The following AGBL1 variants were observed in gnomAD, a reference collection of about 807,000 sequenced individuals.
AGBL1 encodes AGBL carboxypeptidase 1, also known as cytosolic carboxypeptidase 4.
Under a neutral mutation model 118.9 loss-of-function variants are expected in AGBL1, and 130 were observed. The observed-to-expected ratio is 1.09, with a 90% CI of 0.95 to 1.26. The LOEUF (loss-of-function observed/expected upper bound fraction) is 1.26. Among genes scored for constraint, AGBL1 ranks in the 50% most tolerant of loss-of-function variants. The probability of loss-of-function intolerance (pLI) is 0.00; values close to 1 mark genes in which losing one functional copy is unlikely to be tolerated. For synonymous variants in AGBL1, 555 were observed against 478.9 expected (o/e 1.16, Z -2.08); for missense variants, 1,584 against 1,298.1 (o/e 1.22, Z -3.38).
chr15:86,635,354 T>C (rs2085065972), intron 21 of AGBL1, among the ~76,000 whole-genome samples: 1 of 134,160 alleles, frequency 7.5e-6, no homozygotes, highest in South Asian at 2.7e-4. Context: ...CTCTTACTCC[T>C]CCTCCTCCTT....
intron 22 of AGBL1, among the ~76,000 whole-genome samples, chr15:86,775,427 A>G (rs2078240758): frequency 6.6e-6 from 1 of 152,190 alleles, no homozygotes; most frequent in Admixed American, 6.6e-5. Context: ...CTCCATGAAG[A>G]AAAAGGAAAC....
At chr15:86,435,041 C>T (rs2142044650) in intron 18 of AGBL1, among the ~76,000 whole-genome samples, 1 of 152,226 alleles carries the variant, frequency 6.6e-6, no homozygotes. Context: ...ATTGTAAATC[C>T]ATCGAACTGA....
chr15:86,510,281 G>A (rs1008664389), intron 18 of AGBL1, among the ~76,000 whole-genome samples: 2 of 152,048 alleles, frequency 1.3e-5, no homozygotes, highest in African/African-American at 2.4e-5. Flanking sequence ...TAGTTAGCAG[G>A]AAAGAGAAGA....
intron 24 of AGBL1, among the ~76,000 whole-genome samples, chr15:87,005,477 C>T (rs576194372): frequency 3.9e-5 from 6 of 152,146 alleles, no homozygotes; most frequent in South Asian, 2.1e-4. Flanking sequence ...TCCAGTTGAT[C>T]GAATTGGCTA....
chr15:86,527,491 G>C (rs2083282689), intron 19 of AGBL1, among the ~76,000 whole-genome samples: 1 of 152,138 alleles, frequency 6.6e-6, no homozygotes, highest in Non-Finnish European at 1.5e-5. Flanking sequence ...GCTCTCTAAT[G>C]GGCTCAACAT....
At chr15:86,692,309 A>G (rs2086186103) in intron 22 of AGBL1, among the ~76,000 whole-genome samples, 3 of 152,128 alleles carry the variant, frequency 2.0e-5, no homozygotes, top group Admixed American at 2.0e-4. Flanking sequence ...AGGAAACTTC[A>G]ATGAAGGAAC....
rs201155971 is a variant in AGBL1 at position 86,797,542 on chromosome 15, C to G, written c.3159-109545C>G. 2.0e-5 allele frequency among the ~76,000 whole-genome samples: 3 copies of G among 152,160 alleles called. No individual in the cohort carries two copies. In the East Asian group the frequency reaches 5.8e-4, roughly 29 times the overall value. On this transcript the variant is annotated intron_variant, in intron 22 of 22. Transcript: ENST00000614907. The stretch of plus-strand genomic sequence containing the variant: ...ATTGCTAATTGCTGATAGCTCTCTC[C>G]CTATTGATCTCTCCATTTGGCTCAA...
At chr15:86,550,291 G>A (rs889942079) in intron 20 of AGBL1, among the ~76,000 whole-genome samples, 1 of 152,114 alleles carries the variant, frequency 6.6e-6, no homozygotes, top group South Asian at 2.1e-4. Flanking sequence ...TATCAATGAT[G>A]TCATTAAATA....
chr15:86,622,778 G>C (rs141918667), intron 21 of AGBL1, among the ~76,000 whole-genome samples: 121 of 152,214 alleles, frequency 7.9e-4, no homozygotes, highest in African/African-American at 2.2e-3. Flanking sequence ...CAAGGGCACT[G>C]TTTACCGTGT....
intron 17 of AGBL1, among the ~76,000 whole-genome samples, chr15:86,366,458 A>C (rs1352721661): frequency 2.6e-5 from 4 of 152,214 alleles, no homozygotes; most frequent in African/African-American, 9.7e-5. Context: ...TGAGGCAAAG[A>C]GAGGTTAATT....
chr15:86,578,405 T>C (rs1047365118), intron 21 of AGBL1, among the ~76,000 whole-genome samples: 3 of 152,212 alleles, frequency 2.0e-5, no homozygotes, highest in African/African-American at 7.2e-5. Flanking sequence ...TTGATTTTAC[T>C]GGCTCATAGC....
At chr15:86,257,105 G>A (rs1056398043) in intron 8 of AGBL1, 87 bp downstream of exon 8, 10 of 1,368,200 alleles carry the variant, frequency 7.3e-6, no homozygotes, top group African/African-American at 4.4e-5. Flanking sequence ...AATAGAATTC[G>A]TTATTTTATA....
rs1365186793 is a variant in AGBL1, at chr15:86,392,923, G to GA, written c.2375-4437dup. Among the ~76,000 whole-genome samples, 13 of 152,260 alleles carry GA rather than the reference G, an allele frequency of 8.5e-5. No individual in the cohort carries two copies. The East Asian group carries it at 1.7e-3, about 20-fold the overall frequency. The stretch of plus-strand genomic sequence containing the variant: ...CTAAGACTGAGATTGTCAATTGCAA[G>GA]AAAAAACCACATGGTATGTGTGGTG... On this transcript the variant is annotated intron_variant, in intron 17 of 22. Coordinates refer to ENST00000614907, the MANE Select transcript of AGBL1 (RefSeq NM_001386094.1).
At chr15:86,760,810 A>T (rs1478367244) in intron 22 of AGBL1, among the ~76,000 whole-genome samples, 2 of 152,036 alleles carry the variant, frequency 1.3e-5, no homozygotes, top group Non-Finnish European at 2.9e-5. Flanking sequence ...TGGGAAATTA[A>T]TTGTGTCTTC....
At chr15:86,798,847 T>C (rs35750409) in intron 22 of AGBL1, among the ~76,000 whole-genome samples, 59,786 of 150,674 alleles carry the variant, frequency 0.4, 13,465 homozygotes, top group Non-Finnish European at 0.53. Flanking sequence ...TTTGTTGTTG[T>C]CGTTTGTCCG....
chr15:86,980,444 T>C (rs1350230842), intron 23 of AGBL1, among the ~76,000 whole-genome samples: 1 of 152,188 alleles, frequency 6.6e-6, no homozygotes, highest in Admixed American at 6.5e-5. Context: ...GCTGCAAAAT[T>C]CATCAGTGGA....
chr15:86,588,005 GA>G (rs1488245817), intron 21 of AGBL1, among the ~76,000 whole-genome samples: 1 of 152,162 alleles, frequency 6.6e-6, no homozygotes, highest in African/African-American at 2.4e-5. Context: ...CATGTACATG[GA>G]AAGGATTACT....
intron 1 of AGBL1, among the ~76,000 whole-genome samples, chr15:86,084,158 A>G (rs191376802): frequency 3.6e-4 from 55 of 152,358 alleles, no homozygotes; most frequent in Non-Finnish European, 6.8e-4. Flanking sequence ...AAGAAATTAC[A>G]TCTGTCAGTG....
chr15:86,683,166 A>C (rs1466038902), intron 22 of AGBL1, among the ~76,000 whole-genome samples: 1 of 152,050 alleles, frequency 6.6e-6, no homozygotes, highest in East Asian at 1.9e-4. Context: ...TATAATCTAA[A>C]TTTAATTTAG....
Sources: allele counts gnomAD v4.1 joint callset (sites outside exome capture counted in the v4.1 genomes callset), GRCh38; gene constraint gnomAD v4.1.1; transcripts MANE v1.5; gene names NCBI Gene and HGNC (gene_info 2026-07-23, HGNC 2026-07-21).